Variants in PIK3CB observed in about 807,000 individuals in gnomAD.
The protein encoded by PIK3CB is phosphatidylinositol 4,5-bisphosphate 3-kinase catalytic subunit beta isoform.
Under a neutral mutation model 136.8 loss-of-function variants are expected in PIK3CB, and 39 were observed. The ratio of observed to expected loss-of-function variants is 0.29; its 90% CI spans 0.22 to 0.37. PIK3CB has a LOEUF of 0.37. Ranked by LOEUF, PIK3CB falls within the 10% of genes least tolerant of loss-of-function variation. The pLI is 1.00. For missense variants in PIK3CB, 868 were observed against 1,275.4 expected (o/e 0.68, Z 4.87); for synonymous variants, 428 against 436.6 (o/e 0.98, Z 0.25).
At chr3:138,703,001 GT>G (rs1288807042) in intron 12 of PIK3CB, among the ~76,000 whole-genome samples, 5 of 152,048 alleles carry the variant, frequency 3.3e-5, no homozygotes, top group African/African-American at 1.2e-4. Flanking sequence ...TTTGCACAAT[GT>G]TTACAAATTA....
intron 4 of PIK3CB, among the ~76,000 whole-genome samples, chr3:138,747,084 A>G (rs1230511129): frequency 3.8e-5 from 3 of 79,124 alleles, no homozygotes; most frequent in African/African-American, 1.1e-4. Flanking sequence ...ATATATATAT[A>G]TATATATATA....
intron 8 of PIK3CB, among the ~76,000 whole-genome samples, chr3:138,719,223 C>T (rs907045520): frequency 4.3e-5 from 6 of 140,542 alleles, no homozygotes; most frequent in Non-Finnish European, 9.2e-5. Flanking sequence ...CAGAAACTTA[C>T]ATTAGCTCAG....
At chr3:138,722,221 GACACACACACACAC>G (rs56139182) in intron 8 of PIK3CB, among the ~76,000 whole-genome samples, 11 of 144,160 alleles carry the variant, frequency 7.6e-5, no homozygotes, top group South Asian at 2.2e-4. Flanking sequence ...CTATGTAAGA[GACACACACACACAC>G]ACACACACAC....
intron 1 of PIK3CB, among the ~76,000 whole-genome samples, chr3:138,831,489 G>A (rs969352562): frequency 1.3e-5 from 2 of 151,874 alleles, no homozygotes; most frequent in African/African-American, 4.8e-5. Context: ...GGGAGGCTGA[G>A]GCAGAAGAAT....
intron 3 of PIK3CB, among the ~76,000 whole-genome samples, chr3:138,757,109 TA>T (rs1380878081): frequency 3.9e-5 from 6 of 151,920 alleles, no homozygotes; most frequent in African/African-American, 1.5e-4. Flanking sequence ...GAAATGCACA[TA>T]AAAACCACAA....
chr3:138,832,843 AAAAAAAC>A (rs1460054400), intron 1 of PIK3CB, among the ~76,000 whole-genome samples: 15 of 147,656 alleles, frequency 1.0e-4, no homozygotes, highest in African/African-American at 2.3e-4. Context: ...AAAAAAAAAA[AAAAAAAC>A]AAAATTGAAA....
chr3:138,673,720 C>T (rs558551375), intron 19 of PIK3CB, among the ~76,000 whole-genome samples: 1 of 152,260 alleles, frequency 6.6e-6, no homozygotes, highest in Non-Finnish European at 1.5e-5. Context: ...CACACACACA[C>T]ACCCCAACGT....
intron 4 of PIK3CB, among the ~76,000 whole-genome samples, chr3:138,749,368 G>A (rs1250014859): frequency 1.3e-5 from 2 of 151,968 alleles, no homozygotes; most frequent in African/African-American, 4.8e-5. Context: ...CTTCCTTTGG[G>A]TTACAACATT....
chr3:138,720,655 G>A (rs1401805296), intron 8 of PIK3CB, among the ~76,000 whole-genome samples: 4 of 152,020 alleles, frequency 2.6e-5, no homozygotes, highest in African/African-American at 9.7e-5. Flanking sequence ...TCCCTTGAGC[G>A]CAGGAGTTCA....
At chr3:138,817,890 A>C (rs1296170111) in intron 1 of PIK3CB, among the ~76,000 whole-genome samples, 1 of 152,174 alleles carries the variant, frequency 6.6e-6, no homozygotes, top group Non-Finnish European at 1.5e-5. Context: ...CTGGAGTTTG[A>C]GGCTGCAGTG....
At chr3:138,800,424 G>C (rs1474992594) in intron 1 of PIK3CB, among the ~76,000 whole-genome samples, 1 of 151,406 alleles carries the variant, frequency 6.6e-6, no homozygotes, top group African/African-American at 2.4e-5. Flanking sequence ...TCCTGGGCTA[G>C]GGATCCTCCC....
At chr3:138,767,875 C>A (rs1174115352) in intron 2 of PIK3CB, among the ~76,000 whole-genome samples, 1 of 152,206 alleles carries the variant, frequency 6.6e-6, no homozygotes, top group Non-Finnish European at 1.5e-5. Context: ...TCGGGGAGTT[C>A]CCAGGTCTGG....
intron 16 of PIK3CB, among the ~76,000 whole-genome samples, chr3:138,687,792 G>A (rs1297785714): frequency 1.3e-5 from 2 of 152,108 alleles, no homozygotes; most frequent in Non-Finnish European, 2.9e-5. Context: ...TATCTTCTGT[G>A]TATAGAATGT....
intron 6 of PIK3CB, among the ~76,000 whole-genome samples, chr3:138,737,236 T>C (rs2045127686): frequency 6.6e-6 from 1 of 150,850 alleles, no homozygotes; most frequent in South Asian, 2.1e-4. Context: ...CTACTAAAAA[T>C]ACAAAAAGAA....
chr3:138,776,061 G>C (rs1056980095), intron 2 of PIK3CB, among the ~76,000 whole-genome samples: 22 of 152,128 alleles, frequency 1.4e-4, no homozygotes, highest in African/African-American at 5.1e-4. Context: ...AGCCGGGCGT[G>C]GTGGCGTGTG....
chr3:138,747,246 G>A (rs2045380144), intron 4 of PIK3CB, among the ~76,000 whole-genome samples: 1 of 150,814 alleles, frequency 6.6e-6, no homozygotes, highest in Non-Finnish European at 1.5e-5. Context: ...TCTGTTCTTA[G>A]AAGTACTTCC....
intron 5 of PIK3CB, among the ~76,000 whole-genome samples, chr3:138,741,547 G>C (rs1188922043): frequency 6.6e-6 from 1 of 152,170 alleles, no homozygotes; most frequent in Non-Finnish European, 1.5e-5. Flanking sequence ...CAAAACATCT[G>C]GCTGTGTGCA....
chr3:138,705,181 C>CA lies in PIK3CB; in HGVS notation c.1531-689dup, dbSNP rs1277322816. Among the ~76,000 whole-genome samples, 24 of 58,516 alleles carry CA rather than the reference C, an allele frequency of 4.1e-4. 4 individuals carry two copies. The highest frequency in any genetic ancestry group is 1.1e-3 in the East Asian group (1 of 910). 38.4% of individuals were successfully genotyped at this position (58,516 alleles called of 152,430 possible). A position where few individuals can be genotyped will look rare whatever the true frequency, so the allele number is the denominator to read the frequency against. On this transcript the variant is annotated intron_variant, in intron 11 of 23. Coordinates refer to ENST00000674063, the MANE Select transcript of PIK3CB (RefSeq NM_006219.3). ...AAAAAAAAAAAAAAAAAACAAAAAA[C>CA]AAAACAAACAAAAAAAAAAACTTAT... is the stretch of plus-strand genomic sequence containing the variant.
At chr3:138,657,454 G>A in intron 22 of PIK3CB, 1 of 428,578 alleles carries the variant, frequency 2.3e-6, no homozygotes, top group Non-Finnish European at 4.1e-6. Context: ...GTAAAAGGTA[G>A]TATATTATTG....
Sources: gnomAD v4.1 joint callset for allele counts (sites outside exome capture counted in the v4.1 genomes callset) on GRCh38, gnomAD v4.1.1 for gene constraint, MANE v1.5 for transcripts, NCBI Gene and HGNC (gene_info 2026-07-23, HGNC 2026-07-21) for gene names.